HMCN1: variants seen among roughly 807,000 people sequenced by gnomAD.
HMCN1 encodes the protein hemicentin-1.
Under a neutral mutation model 625.9 loss-of-function variants are expected in HMCN1, and 321 were observed. The observed-to-expected ratio is 0.51, with a 90% confidence interval of 0.47 to 0.56. HMCN1 has a LOEUF of 0.56. Among genes scored for constraint, HMCN1 ranks in the 20% least tolerant of loss-of-function variants. The probability of loss-of-function intolerance (pLI) is 0.00; values close to 1 mark genes in which losing one functional copy is unlikely to be tolerated. For missense variants in HMCN1, 6,588 were observed against 6,887.3 expected, an observed-to-expected ratio of 0.96 and a Z score of 1.54; for synonymous variants, 2,425 against 2,417.6, an observed-to-expected ratio of 1.00 and a Z score of -0.09.
intron 30 of HMCN1, among the ~76,000 whole-genome samples, chr1:186,014,449 C>T (rs1654220881): frequency 6.6e-6 from 1 of 151,780 alleles, no homozygotes; most frequent in African/African-American, 2.4e-5. Flanking sequence ...ATACACATGC[C>T]ATTTGATTTT....
intron 2 of HMCN1, among the ~76,000 whole-genome samples, chr1:185,849,749 A>C (rs1662051752): frequency 6.6e-6 from 1 of 152,124 alleles, no homozygotes; most frequent in Non-Finnish European, 1.5e-5. Flanking sequence ...ATTGAATTGT[A>C]TTTGATAAAT....
At chr1:185,865,719 C>CTTT (rs57584779) in intron 3 of HMCN1, 22 bp from the exon 4 acceptor site, 1 of 908,082 alleles carries the variant, frequency 1.1e-6, no homozygotes, top group Non-Finnish European at 1.6e-6. Context: ...TACACTGTTT[C>CTTT]TTTTTTTTTT....
At chr1:186,135,131 C>T (rs1412677507) in intron 86 of HMCN1, among the ~76,000 whole-genome samples, 1 of 152,174 alleles carries the variant, frequency 6.6e-6, no homozygotes, top group African/African-American at 2.4e-5. Flanking sequence ...CTGTCATATT[C>T]TGTCATCTGT....
chr1:185,798,443 C>T (rs1658555666), intron 1 of HMCN1, among the ~76,000 whole-genome samples: 1 of 152,138 alleles, frequency 6.6e-6, no homozygotes, highest in South Asian at 2.1e-4. Flanking sequence ...GGGAAGTTTT[C>T]CTCAACTATT....
At chr1:185,771,511 CTT>C (rs1212585290) in intron 1 of HMCN1, among the ~76,000 whole-genome samples, 2 of 152,116 alleles carry the variant, frequency 1.3e-5, no homozygotes, top group African/African-American at 4.8e-5. Flanking sequence ...TTATAGCTGA[CTT>C]TTTGTTATAC....
chr1:185,740,000 T>C (rs1275774985), intron 1 of HMCN1, among the ~76,000 whole-genome samples: 8 of 152,066 alleles, frequency 5.3e-5, no homozygotes, highest in Non-Finnish European at 5.9e-5. Context: ...TGAAAAACTC[T>C]CCTGATAAGA....
In HMCN1 at chr1:185,895,961, G is replaced by A. The variant is rs183311254; in HGVS notation, c.622-13376G>A. On this transcript the variant is annotated intron_variant, in intron 4 of 106. Coordinates refer to ENST00000271588, the MANE Select transcript of HMCN1 (RefSeq NM_031935.3). ...TTAATAATTTTTTTTTTTTTGAGAT[G>A]GAGTCTCTCTGTCGCACAGGCTAGA... 1.2e-4 allele frequency among the ~76,000 whole-genome samples: 18 copies of A among 147,816 alleles called. No homozygotes were observed. The East Asian group carries it at 3.5e-3, about 29-fold the overall frequency.
chr1:186,103,745 T>C, intron 69 of HMCN1, 77 bp downstream of exon 69: 1 of 1,257,510 alleles, frequency 8.0e-7, no homozygotes, highest in South Asian at 1.3e-5. Flanking sequence ...TTTGTTAAAT[T>C]ATGTCTTTGA....
intron 36 of HMCN1, among the ~76,000 whole-genome samples, chr1:186,031,327 G>A (rs566390339): frequency 5.3e-5 from 8 of 152,132 alleles, no homozygotes; most frequent in African/African-American, 1.9e-4. Context: ...TCAGCACTTT[G>A]AGTATGTCAT....
Position 186,017,040 on chromosome 1 carries a change from C to A in HMCN1, c.5269C>A (p.His1757Asn). Residue 1757 changes from histidine (H) to asparagine (N), a missense_variant, in exon 33 of 107, where the codon CAT (histidine) becomes AAT (asparagine). Transcript: ENST00000271588. ...MVNNLLELDC[H>N]VTGSPPPTIM... ...TAATAACTTACTGGAGCTAGATTGT[C>A]ATGTGACAGGCTCTCCCCCACCAAC... is the stretch of plus-strand genomic sequence containing the variant. The A allele has an allele frequency of 6.2e-7, 1 of 1,605,622 alleles. No individual in the cohort carries two copies. Among genetic ancestry groups the A allele is most frequent in the Non-Finnish European group, 8.5e-7 (1 of 1,172,584 alleles).
At chr1:185,940,971 A>G (rs1668050475) in intron 11 of HMCN1, among the ~76,000 whole-genome samples, 1 of 152,164 alleles carries the variant, frequency 6.6e-6, no homozygotes, top group Non-Finnish European at 1.5e-5. Context: ...CATGTTGGTC[A>G]GGCTAGTCTC....
intron 1 of HMCN1, among the ~76,000 whole-genome samples, chr1:185,842,979 C>T (rs1661578440): frequency 1.3e-5 from 2 of 152,102 alleles, no homozygotes; most frequent in African/African-American, 4.8e-5. Flanking sequence ...TCTTCACTAC[C>T]AAAGTTTTTC....
Position 185,962,502 on chromosome 1 carries a change from A to G in HMCN1, c.1829-16A>G. 3.1e-6 allele frequency: 5 copies of G among 1,610,988 alleles called. No homozygotes were observed. Among genetic ancestry groups the G allele is most frequent in the Non-Finnish European group, 4.2e-6 (5 of 1,177,258 alleles). On this transcript the variant is annotated splice_polypyrimidine_tract_variant and intron_variant, in intron 11 of 106. Coordinates refer to ENST00000271588, the MANE Select transcript of HMCN1 (RefSeq NM_031935.3). ...TAAATTGGCATTTTTCTACATACGT[A>G]TATTTTTATTTGCAGAACCACCCAA...
intron 13 of HMCN1, among the ~76,000 whole-genome samples, chr1:185,964,663 G>A (rs1017057025): frequency 5.3e-5 from 8 of 152,066 alleles, no homozygotes; most frequent in Admixed American, 1.3e-4. Context: ...GGATATATAC[G>A]GAAATATAAC....
At chr1:186,050,776 T>G (rs947874702) in intron 42 of HMCN1, among the ~76,000 whole-genome samples, 1 of 152,094 alleles carries the variant, frequency 6.6e-6, no homozygotes, top group African/African-American at 2.4e-5. Context: ...TAAAAAATAC[T>G]TACATTATGC....
rs759786763 is a variant in HMCN1, at chr1:185,928,646, C to G, written c.1531C>G (p.Gln511Glu). 2 of 1,613,544 alleles carry G rather than the reference C, an allele frequency of 1.2e-6. No individual in the cohort carries two copies. Among genetic ancestry groups the G allele is most frequent in the Non-Finnish European group, 1.7e-6 (2 of 1,179,502 alleles). ...AVSSAGTGRAQTFFDVSEPPP... is the reference protein window; with the variant it reads ...AVSSAGTGRAETFFDVSEPPP... ...CAGCAGTGCAGGTACTGGACGGGCA[C>G]AGACATTTTTTGACGTATCAGGTAA... The change falls in exon 10 of 107, where the codon CAG becomes GAG. Residue 511 changes from glutamine (Q) to glutamate (E), a missense_variant. This residue lies in a region of HMCN1 where 4,628 missense variants were observed against 4,853.1 expected (regional missense o/e 0.95). Transcript: ENST00000271588.
intron 86 of HMCN1, among the ~76,000 whole-genome samples, chr1:186,132,650 C>CT (rs36095829): frequency 0.34 from 51,351 of 149,046 alleles, 9,522 homozygotes; most frequent in East Asian, 0.58. Flanking sequence ...GGTGGCAGAG[C>CT]TTTTTTTTTT....
At chr1:186,104,012 T>G (rs1461448972) in intron 69 of HMCN1, among the ~76,000 whole-genome samples, 1 of 152,122 alleles carries the variant, frequency 6.6e-6, no homozygotes, top group Non-Finnish European at 1.5e-5. Flanking sequence ...ATATATAAGG[T>G]TTCAAAGAGC....
chr1:186,136,927 C>A lies in HMCN1; in HGVS notation c.13572C>A (p.Val4524=). Residue 4524 remains valine (V), a synonymous_variant, in exon 87 of 107, where the codon GTC becomes GTA. Transcript: ENST00000271588. ...GTTCTGTCCTTGTCAGAGTGCCAGT[C>A]ATAGTCCAGGGTGAGTGTGATCAGA... ...LMGSVLVRVP[V]IVQVHGGFSQ... is the part of the protein sequence containing the mutation. 1 of 1,613,600 alleles carries A rather than the reference C, an allele frequency of 6.2e-7. No individual in the cohort carries two copies. Among genetic ancestry groups the A allele is most frequent in the South Asian group, 1.1e-5 (1 of 91,050 alleles).
Sources: allele counts gnomAD v4.1 joint callset (sites outside exome capture counted in the v4.1 genomes callset), GRCh38; gene constraint gnomAD v4.1.1; regional missense constraint gnomAD v4.1.1; transcripts MANE v1.5; gene names NCBI Gene and HGNC (gene_info 2026-07-23, HGNC 2026-07-21).